The following EPC1 variants were observed in gnomAD, a reference collection of about 807,000 sequenced individuals.
The protein encoded by EPC1 is enhancer of polycomb 1.
A neutral mutation model predicts 98.4 loss-of-function variants in EPC1; 12 were observed. That is an observed-to-expected ratio of 0.12 (90% CI 0.08 to 0.20). The LOEUF is 0.20. Ranked by LOEUF, EPC1 falls within the 10% of genes least tolerant of loss-of-function variation. EPC1 has a pLI of 1.00. For synonymous variants in EPC1, 357 were observed against 363.9 expected, an observed-to-expected ratio of 0.98 and a Z score of 0.21; for missense variants, 729 against 990.5, an observed-to-expected ratio of 0.74 and a Z score of 3.54.
Position 32,269,123 on chromosome 10 carries a change from T to C in EPC1, c.2382A>G (p.Glu794=). The change falls in exon 14 of 14, where the codon GAA becomes GAG. Residue 794 remains glutamate (E), a synonymous_variant. Coordinates refer to ENST00000319778, the MANE Select transcript of EPC1 (RefSeq NM_001272004.3). ...SVDSVPRENH[E]SEKPALNNIA... The stretch of plus-strand genomic sequence containing the variant: ...TGTTGTTCAGTGCTGGCTTTTCTGA[T>C]TCATGATTTTCCCTGTTGAAATAAA... The C allele has an allele frequency of 6.2e-7, 1 of 1,613,806 alleles. No individual in the cohort carries two copies. The highest frequency in any genetic ancestry group is 8.5e-7 in the Non-Finnish European group (1 of 1,179,802).
At chr10:32,320,377 T>G (rs911589163) in intron 1 of EPC1, among the ~76,000 whole-genome samples, 2 of 152,192 alleles carry the variant, frequency 1.3e-5, no homozygotes, top group African/African-American at 4.8e-5. Flanking sequence ...TAAACTAGTT[T>G]CAGAATACTG....
At chr10:32,338,264 C>T (rs1232217911) in intron 1 of EPC1, among the ~76,000 whole-genome samples, 1 of 152,170 alleles carries the variant, frequency 6.6e-6, no homozygotes, top group Non-Finnish European at 1.5e-5. Flanking sequence ...CCATCTAGTA[C>T]ATTCAAATCC....
intron 1 of EPC1, among the ~76,000 whole-genome samples, chr10:32,369,335 C>T (rs2133119136): frequency 6.6e-6 from 1 of 152,316 alleles, no homozygotes; most frequent in South Asian, 2.1e-4. Flanking sequence ...TAGATTCTAA[C>T]ATGACTTGAA....
intron 2 of EPC1, among the ~76,000 whole-genome samples, 171 bp from the exon 3 acceptor site, chr10:32,293,908 A>G (rs1230970671): frequency 6.6e-6 from 1 of 152,242 alleles, no homozygotes; most frequent in Non-Finnish European, 1.5e-5. Flanking sequence ...TTACACATTT[A>G]AAGTTAAAGA....
upstream of EPC1, among the ~76,000 whole-genome samples, chr10:32,348,761 G>A (rs969997344): frequency 6.6e-6 from 1 of 152,184 alleles, no homozygotes; most frequent in African/African-American, 2.4e-5. Context: ...AGCTTACACA[G>A]TGGGGAGAAG....
intron 1 of EPC1, chr10:32,374,315 A>G (rs1164687690): frequency 6.6e-6 from 1 of 152,132 alleles, no homozygotes; most frequent in Non-Finnish European, 1.5e-5. Flanking sequence ...TATATTTACC[A>G]TGATGTTTAT....
rs368789620 is a variant in EPC1, at chr10:32,284,847, C to T, written c.1595G>A (p.Arg532Gln). The change falls in exon 10 of 14, where the codon CGG becomes CAG. Residue 532 changes from arginine (R) to glutamine (Q), a missense_variant. Physicochemically the swap from Arg to Gln is conservative, Grantham distance 43. Transcript: ENST00000319778. ...KSCRWRHFRPRTPSLHDSDND... is the reference protein window; with the variant it reads ...KSCRWRHFRPQTPSLHDSDND... ...GTCACTGTCATGTAGGGATGGTGTC[C>T]GAGGCCTAAAATGCCGCCATCTACA... is the stretch of plus-strand genomic sequence containing the variant. 8.1e-6 allele frequency: 13 copies of T among 1,614,034 alleles called. No individual in the cohort carries two copies. Among genetic ancestry groups the T allele is most frequent in the South Asian group, 1.1e-5 (1 of 91,068 alleles).
At chr10:32,330,633 A>G (rs1837584813) in intron 1 of EPC1, among the ~76,000 whole-genome samples, 1 of 152,216 alleles carries the variant, frequency 6.6e-6, no homozygotes, top group South Asian at 2.1e-4. Context: ...TCCTGGATCC[A>G]AATCTTAGAA....
chr10:32,341,331 C>G (rs7069201), intron 1 of EPC1, among the ~76,000 whole-genome samples: 75 of 151,172 alleles, frequency 5.0e-4, no homozygotes, highest in South Asian at 1.5e-3. Flanking sequence ...GTGTGTGTGT[C>G]TGTGTGTGTG....
intron 10 of EPC1, among the ~76,000 whole-genome samples, chr10:32,275,601 C>T (rs1202996079): frequency 7.4e-5 from 3 of 40,378 alleles, no homozygotes; most frequent in African/African-American, 2.7e-4. Context: ...CCCATCTCTA[C>T]CAAAAAAAAA....
intron 2 of EPC1, among the ~76,000 whole-genome samples, chr10:32,298,498 T>G (rs723270): frequency 0.02 from 3,010 of 152,308 alleles, 49 homozygotes; most frequent in Non-Finnish European, 0.031. Context: ...ACTAACTGCA[T>G]GATTAATAAT....
chr10:32,318,746 T>C (rs1836703960), intron 1 of EPC1, among the ~76,000 whole-genome samples: 1 of 152,186 alleles, frequency 6.6e-6, no homozygotes, highest in Admixed American at 6.5e-5. Flanking sequence ...AGATTTCTCA[T>C]TGGTTTTATG....
intron 1 of EPC1, among the ~76,000 whole-genome samples, chr10:32,340,924 AGTTATT>A (rs1838300064): frequency 1.2e-5 from 1 of 84,942 alleles, no homozygotes; most frequent in Admixed American, 1.1e-4. Flanking sequence ...CTTACCAAAA[AGTTATT>A]GTTATCAATG....
chr10:32,345,241 A>G (rs1454242333), intron 1 of EPC1: 1 of 985,470 alleles, frequency 1.0e-6, no homozygotes, highest in Non-Finnish European at 1.2e-6. Flanking sequence ...AATGTGCTGA[A>G]AGTCAGTGCC....
chr10:32,291,294 T>C lies in EPC1; in HGVS notation c.844A>G (p.Ile282Val), dbSNP rs1247986191. 1.9e-6 allele frequency: 3 copies of C among 1,613,854 alleles called. No homozygotes were observed. The South Asian group carries it at 3.3e-5, about 18-fold the overall frequency. Residue 282 changes from isoleucine (I) to valine (V), a missense_variant, in exon 6 of 14, where the codon ATC (isoleucine) becomes GTC (valine). By Grantham distance (29) the Ile-to-Val change is conservative (BLOSUM62 3). This residue lies in a region of EPC1 where 390 missense variants were observed against 438.6 expected (regional missense o/e 0.89). Transcript: ENST00000319778. ...CTCTGTGCCATAACCTCAGACATGATCTCTCCATTGTAGTCGCCCAAATTA... is the reference window on the plus strand; with the variant it reads ...CTCTGTGCCATAACCTCAGACATGACCTCTCCATTGTAGTCGCCCAAATTA... ...RYNLGDYNGE[I>V]MSEVMAQRQP...
upstream of EPC1, chr10:32,347,276 C>T: frequency 9.8e-7 from 1 of 1,015,374 alleles, no homozygotes. Flanking sequence ...GCGCGTCCCG[C>T]CAACCCCCGG....
intron 1 of EPC1, among the ~76,000 whole-genome samples, chr10:32,333,758 T>A (rs1035401899): frequency 1.4e-5 from 1 of 73,092 alleles, no homozygotes; most frequent in Non-Finnish European, 3.4e-5. Flanking sequence ...AGTCAGACAA[T>A]AAGGCTTTAC....
chr10:32,364,882 A>G (rs995803633), intron 1 of EPC1, among the ~76,000 whole-genome samples: 1 of 149,480 alleles, frequency 6.7e-6, no homozygotes, highest in Admixed American at 6.8e-5. Context: ...AAGCTTTCTT[A>G]AAATATTACG....
intron 1 of EPC1, chr10:32,377,340 TTACA>T (rs959373443): frequency 6.6e-6 from 1 of 152,214 alleles, no homozygotes; most frequent in African/African-American, 2.4e-5. Context: ...AATTCAACTT[TTACA>T]ATGTTGAAGG....
Sources: gnomAD v4.1 joint callset for allele counts (sites outside exome capture counted in the v4.1 genomes callset) on GRCh38, gnomAD v4.1.1 for gene constraint, gnomAD v4.1.1 regional missense constraint, MANE v1.5 for transcripts, NCBI Gene and HGNC (gene_info 2026-07-23, HGNC 2026-07-21) for gene names.